FAM227A: variants seen among roughly 807,000 people sequenced by gnomAD.
The protein encoded by FAM227A is family with sequence similarity 227 member A.
A neutral mutation model predicts 74.7 loss-of-function variants in FAM227A; 80 were observed. That is an observed-to-expected ratio of 1.07 (90% CI 0.89 to 1.29). The LOEUF is 1.29. Ranked by LOEUF, FAM227A falls within the 50% of genes most tolerant of loss-of-function variation. The pLI, the probability that FAM227A is intolerant of heterozygous loss-of-function variation, is 0.00. For missense variants in FAM227A, 654 were observed against 683.4 expected (o/e 0.96, Z 0.48); for synonymous variants, 237 against 241.8 (o/e 0.98, Z 0.19).
At chr22:38,646,242 G>GTTTTT (rs1569240853) in intron 2 of FAM227A, among the ~76,000 whole-genome samples, 7 of 125,142 alleles carry the variant, frequency 5.6e-5, no homozygotes, top group African/African-American at 1.9e-4. Context: ...TTTCCTTCCA[G>GTTTTT]TATTTCTTTT....
intron 4 of FAM227A, among the ~76,000 whole-genome samples, chr22:38,639,246 C>T (rs1216644814): frequency 6.6e-6 from 1 of 151,928 alleles, no homozygotes; most frequent in African/African-American, 2.4e-5. Flanking sequence ...CCCATCTCTA[C>T]TAAAATACAA....
In FAM227A at chr22:38,628,840, CCT is replaced by C; in HGVS notation, c.613_614del (p.Arg205ValfsTer10). 6.6e-7 allele frequency: 1 copy of C among 1,508,992 alleles called. No homozygotes were observed. The highest frequency in any genetic ancestry group is 9.0e-7 in the Non-Finnish European group (1 of 1,112,214). 93.5% of individuals were successfully genotyped at this position (1,508,992 alleles called of 1,614,324 possible). ...LDSFWWIFHE[R>X]YQPNKELQNN... The stretch of plus-strand genomic sequence containing the variant: ...CAAGCAGATTTGTATTTACCTGGTA[CCT>C]CTCATGAAATATCCACCAAAAGCTA... On this transcript the variant is annotated frameshift_variant, in exon 7 of 17. Transcript: ENST00000535113. LOFTEE classifies it high-confidence loss of function.
At chr22:38,649,579 G>C (rs1224267598) in intron 2 of FAM227A, among the ~76,000 whole-genome samples, 2 of 142,732 alleles carry the variant, frequency 1.4e-5, no homozygotes, top group African/African-American at 5.2e-5. Context: ...AAAAAAAAAG[G>C]AATATGGCTG....
chr22:38,613,817 C>T (rs1360229293), intron 11 of FAM227A, among the ~76,000 whole-genome samples: 4 of 152,086 alleles, frequency 2.6e-5, no homozygotes, highest in Non-Finnish European at 5.9e-5. Flanking sequence ...CTCTAGGTAC[C>T]TATTTTACTG....
intron 13 of FAM227A, among the ~76,000 whole-genome samples, chr22:38,600,624 C>T (rs1166011141): frequency 6.6e-6 from 1 of 151,902 alleles, no homozygotes; most frequent in South Asian, 2.1e-4. Context: ...AGGCATGAGC[C>T]ATCATGCCCA....
At chr22:38,616,971 G>A (rs1008318935) in intron 11 of FAM227A, among the ~76,000 whole-genome samples, 2 of 152,016 alleles carry the variant, frequency 1.3e-5, no homozygotes, top group African/African-American at 2.4e-5. Context: ...GGGAAGGCAC[G>A]GGCCTTCCTG....
At chr22:38,613,059 ATATGTAAATATATTATATATAAT>A in intron 11 of FAM227A, among the ~76,000 whole-genome samples, 1 of 110,092 alleles carries the variant, frequency 9.1e-6, no homozygotes, top group Non-Finnish European at 1.7e-5. Context: ...TATATTATAT[ATATGTAAATATATTATATATAAT>A]TATATATATA....
intron 12 of FAM227A, 26 bp downstream of exon 12, chr22:38,607,363 A>AT: frequency 1.3e-6 from 2 of 1,506,194 alleles, no homozygotes; most frequent in Non-Finnish European, 9.0e-7. Flanking sequence ...AAAAGCCTAC[A>AT]TTTCCCTTTT....
At chr22:38,637,197 T>G (rs571672123) in intron 5 of FAM227A, among the ~76,000 whole-genome samples, 1 of 152,362 alleles carries the variant, frequency 6.6e-6, no homozygotes, top group East Asian at 1.9e-4. Context: ...TTTTATGTCC[T>G]GCTTTATCTA....
intron 2 of FAM227A, 100 bp downstream of exon 2, chr22:38,649,927 G>T: frequency 1.0e-5 from 10 of 999,312 alleles, no homozygotes; most frequent in African/African-American, 1.6e-5. Context: ...AAGCTAATAA[G>T]TAATGTGCAT....
chr22:38,647,475 AAAAAG>A (rs2092260220), intron 2 of FAM227A, among the ~76,000 whole-genome samples: 1 of 152,140 alleles, frequency 6.6e-6, no homozygotes, highest in Non-Finnish European at 1.5e-5. Context: ...AAACAACAAA[AAAAAG>A]AAAAATAAAT....
At chr22:38,611,690 C>T (rs901500871) in intron 11 of FAM227A, among the ~76,000 whole-genome samples, 1 of 152,054 alleles carries the variant, frequency 6.6e-6, no homozygotes, top group Admixed American at 6.6e-5. Flanking sequence ...CCAGAAAGGC[C>T]AGCACTGTAC....
At chr22:38,649,033 CCA>C (rs1334596860) in intron 2 of FAM227A, among the ~76,000 whole-genome samples, 1 of 151,628 alleles carries the variant, frequency 6.6e-6, no homozygotes, top group African/African-American at 2.4e-5. Context: ...GAGGGTTGCA[CCA>C]CAATTTCTTA....
At chr22:38,586,410 A>C (rs2090810349) in intron 16 of FAM227A, among the ~76,000 whole-genome samples, 2 of 152,056 alleles carry the variant, frequency 1.3e-5, no homozygotes, top group East Asian at 3.9e-4. Flanking sequence ...TTCATCTTTC[A>C]CCAGTACTGA....
chr22:38,582,257 G>C lies in FAM227A; in HGVS notation c.*3868C>G. Reference sequence around the variant, plus strand: ...CTCCAGCTATCCCTCCTGTTCTTCAGGAAACTGTATGTTCTAAAACATACA... The same window carrying C: ...CTCCAGCTATCCCTCCTGTTCTTCACGAAACTGTATGTTCTAAAACATACA... On this transcript the variant is annotated 3_prime_UTR_variant, in exon 17 of 17. Transcript: ENST00000535113. 7.4e-7 allele frequency: 1 copy of C among 1,357,728 alleles called. No homozygotes were observed. The highest frequency in any genetic ancestry group is 1.4e-5 in the African/African-American group (1 of 69,070). The allele number at this position is 1,357,728 out of a possible 1,614,324, so 84.1% of individuals were successfully genotyped here. A position where few individuals can be genotyped will look rare whatever the true frequency, so the allele number is the denominator to read the frequency against.
intron 11 of FAM227A, among the ~76,000 whole-genome samples, chr22:38,614,327 GAACA>G (rs1890375084): frequency 6.6e-6 from 1 of 152,012 alleles, no homozygotes; most frequent in Admixed American, 6.6e-5. Context: ...TTTATTAAAT[GAACA>G]AATGACTCAG....
At chr22:38,626,441 T>C (rs555290890) in intron 8 of FAM227A, 138 bp from the exon 9 acceptor site, 162 of 1,098,230 alleles carry the variant, frequency 1.5e-4, no homozygotes, top group Non-Finnish European at 1.9e-4. Flanking sequence ...TCTCACTGTG[T>C]TACCCAGGCT....
intron 9 of FAM227A, among the ~76,000 whole-genome samples, chr22:38,625,050 A>G (rs1047908448): frequency 1.3e-5 from 2 of 152,116 alleles, no homozygotes; most frequent in African/African-American, 4.8e-5. Context: ...ATGAACTTAG[A>G]AAATGTCAAG....
At chr22:38,617,311 T>G (rs967823440) in intron 11 of FAM227A, among the ~76,000 whole-genome samples, 1 of 150,808 alleles carries the variant, frequency 6.6e-6, no homozygotes, top group Non-Finnish European at 1.5e-5. Flanking sequence ...TTTTTTTTTT[T>G]TTGAGACAGA....
Sources: gnomAD v4.1 joint callset for allele counts (sites outside exome capture counted in the v4.1 genomes callset) on GRCh38, gnomAD v4.1.1 for gene constraint, MANE v1.5 for transcripts, NCBI Gene and HGNC (gene_info 2026-07-23, HGNC 2026-07-21) for gene names.